MTX2: variants seen among roughly 807,000 people sequenced by gnomAD.
The protein encoded by MTX2 is metaxin 2.
A neutral mutation model predicts 42.3 loss-of-function variants in MTX2; 35 were observed. The observed-to-expected ratio is 0.83, with a 90% confidence interval of 0.63 to 1.10. MTX2 has a LOEUF of 1.10. Among genes scored for constraint, MTX2 ranks in the 50% least tolerant of loss-of-function variants. The pLI is 0.00. For synonymous variants in MTX2, 119 were observed against 100.9 expected (o/e 1.18, Z -1.08); for missense variants, 307 against 304.1 (o/e 1.01, Z -0.07).
intron 3 of MTX2, among the ~76,000 whole-genome samples, chr2:176,312,336 A>G (rs892054012): frequency 6.6e-6 from 1 of 152,186 alleles, no homozygotes; most frequent in Non-Finnish European, 1.5e-5. Context: ...GCCAAGGACT[A>G]AAGTAGTAAA....
intron 1 of MTX2, among the ~76,000 whole-genome samples, chr2:176,290,115 A>T (rs953222178): frequency 6.6e-6 from 1 of 152,172 alleles, no homozygotes; most frequent in Non-Finnish European, 1.5e-5. Flanking sequence ...TGGATGTGGC[A>T]TTTAAACTTG....
chr2:176,297,874 T>C lies in MTX2; in HGVS notation c.114T>C (p.Asn38=). The C allele has an allele frequency of 6.4e-7, 1 of 1,561,148 alleles. No homozygotes were observed. The highest frequency in any genetic ancestry group is 8.7e-7 in the Non-Finnish European group (1 of 1,150,450). The change falls in exon 3 of 10, where the codon AAT becomes AAC. Residue 38 remains asparagine, a synonymous_variant. Transcript: ENST00000249442. ...LKGEQILLSD[N]AASLAVQAFL... is the part of the protein sequence containing the mutation. ...GGGAGCAAATTTTACTTTCTGACAA[T>C]GCAGCTTCTCTTGCAGTGCAGGTAA...
chr2:176,276,264 T>C (rs988494675), intron 1 of MTX2, among the ~76,000 whole-genome samples: 1 of 152,240 alleles, frequency 6.6e-6, no homozygotes, highest in African/African-American at 2.4e-5. Context: ...ACATTTGATA[T>C]GCTCCAGCCA....
chr2:176,270,375 GA>G, intron 1 of MTX2: 1 of 1,363,620 alleles, frequency 7.3e-7, no homozygotes, highest in Non-Finnish European at 9.8e-7. Flanking sequence ...GTACTTTAAA[GA>G]AATACTTTTG....
chr2:176,330,608 T>C lies in MTX2; in HGVS notation c.568T>C (p.Cys190Arg). The change falls in exon 9 of 10, where the codon TGT becomes CGT. Residue 190 changes from cysteine (C) to arginine (R), a missense_variant. By Grantham distance (180) the Cys-to-Arg change is radical. Transcript: ENST00000249442. ...DQVLEDVDQC[C>R]QALSQRLGTQ... ...GGTCTTAGAGGATGTAGACCAGTGC[T>C]GTCAAGCTCTCTCTCAAAGACTGGG... The C allele has an allele frequency of 6.3e-7, 1 of 1,593,696 alleles. No homozygotes were observed. Among genetic ancestry groups the C allele is most frequent in the Non-Finnish European group, 8.6e-7 (1 of 1,166,692 alleles).
intron 1 of MTX2, among the ~76,000 whole-genome samples, chr2:176,290,772 A>G (rs887063716): frequency 2.8e-5 from 4 of 142,678 alleles, no homozygotes; most frequent in African/African-American, 1.0e-4. Flanking sequence ...TTTTCCTCTC[A>G]TGTCATGCTT....
chr2:176,300,396 A>G (rs940898835), intron 3 of MTX2, among the ~76,000 whole-genome samples: 1 of 152,158 alleles, frequency 6.6e-6, no homozygotes, highest in East Asian at 1.9e-4. Flanking sequence ...TTTACCCAGT[A>G]TATCCAAATA....
chr2:176,302,289 A>G (rs1575045780), intron 3 of MTX2, among the ~76,000 whole-genome samples: 1 of 152,284 alleles, frequency 6.6e-6, no homozygotes, highest in African/African-American at 2.4e-5. Flanking sequence ...GGTAAAGTGA[A>G]GGAGAATGTT....
chr2:176,285,863 T>C (rs1016891104), intron 1 of MTX2, among the ~76,000 whole-genome samples: 9 of 152,210 alleles, frequency 5.9e-5, no homozygotes, highest in Non-Finnish European at 1.2e-4. Context: ...TAAGTCTTTA[T>C]TTGGATATTT....
chr2:176,337,345 A>C, intron 9 of MTX2, 148 bp from the exon 10 acceptor site: 1 of 595,646 alleles, frequency 1.7e-6, no homozygotes, highest in Non-Finnish European at 2.7e-6. Context: ...CTTGGCCTAT[A>C]TTGTTATTTC....
At chr2:176,329,200 T>C (rs1684795026) in intron 7 of MTX2, 101 bp from the exon 8 acceptor site, 1 of 1,374,194 alleles carries the variant, frequency 7.3e-7, no homozygotes. Flanking sequence ...GATTGCTCTA[T>C]TTATGTTCTC....
At position 176,269,816 on chromosome 2, in the gene MTX2, T is replaced by C. The variant is rs1447060068; in HGVS notation, c.40+147T>C. The stretch of plus-strand genomic sequence containing the variant: ...GGAGGCGGGCACGGACTACCAACCT[T>C]ATCTCACATATGGGAAAACTGAGAA... On this transcript the variant is annotated intron_variant, in intron 1 of 9. Transcript: ENST00000249442. The C allele has an allele frequency of 1.4e-4, 134 of 981,526 alleles. 1 individual carries two copies. The East Asian group carries it at 3.9e-3, about 28-fold the overall frequency. 60.8% of individuals were successfully genotyped at this position (981,526 alleles called of 1,614,324 possible).
intron 3 of MTX2, among the ~76,000 whole-genome samples, chr2:176,310,193 G>C (rs1032467008): frequency 6.6e-6 from 1 of 151,966 alleles, no homozygotes; most frequent in Non-Finnish European, 1.5e-5. Context: ...ATGAAATTCT[G>C]TGTTGAAAAT....
intron 3 of MTX2, among the ~76,000 whole-genome samples, chr2:176,318,243 G>GT (rs1466713545): frequency 4.6e-5 from 7 of 151,154 alleles, no homozygotes; most frequent in African/African-American, 1.7e-4. Flanking sequence ...TCTGGTAATA[G>GT]TTTTTTTCCT....
At chr2:176,281,680 C>T (rs1693080147) in intron 1 of MTX2, among the ~76,000 whole-genome samples, 1 of 152,030 alleles carries the variant, frequency 6.6e-6, no homozygotes, top group African/African-American at 2.4e-5. Flanking sequence ...TACTTTGCCA[C>T]AATAACCAAG....
intron 1 of MTX2, among the ~76,000 whole-genome samples, chr2:176,273,379 G>C (rs915358964): frequency 3.9e-5 from 6 of 152,174 alleles, no homozygotes; most frequent in African/African-American, 1.4e-4. Context: ...ACAGTGTTCT[G>C]TTTCTGGTAG....
At chr2:176,309,228 C>G (rs1257274194) in intron 3 of MTX2, among the ~76,000 whole-genome samples, 7 of 152,166 alleles carry the variant, frequency 4.6e-5, no homozygotes, top group Admixed American at 4.6e-4. Flanking sequence ...ATCCTGAGTT[C>G]TAATTTGATT....
At chr2:176,295,749 A>G (rs1002749273) in intron 1 of MTX2, among the ~76,000 whole-genome samples, 13 of 152,096 alleles carry the variant, frequency 8.5e-5, no homozygotes, top group African/African-American at 2.9e-4. Flanking sequence ...TATTCCAGGG[A>G]TTGCTTTAGA....
intron 3 of MTX2, among the ~76,000 whole-genome samples, chr2:176,301,048 A>T (rs1462912941): frequency 6.6e-6 from 1 of 152,076 alleles, no homozygotes; most frequent in Non-Finnish European, 1.5e-5. Context: ...TTTTTTGGAC[A>T]TGTTTGTGTT....
Sources: allele counts gnomAD v4.1 joint callset (sites outside exome capture counted in the v4.1 genomes callset), GRCh38; gene constraint gnomAD v4.1.1; transcripts MANE v1.5; gene names NCBI Gene and HGNC (gene_info 2026-07-23, HGNC 2026-07-21).